RFX3: variants seen among roughly 807,000 people sequenced by gnomAD.
The protein encoded by RFX3 is transcription factor RFX3.
A neutral mutation model predicts 98.6 loss-of-function variants in RFX3; 14 were observed. The ratio of observed to expected loss-of-function variants is 0.14; its 90% CI spans 0.09 to 0.22. The LOEUF is 0.22. Among genes scored for constraint, RFX3 ranks in the 10% least tolerant of loss-of-function variants. RFX3 has a pLI of 1.00. For missense variants in RFX3, 639 were observed against 926.9 expected (o/e 0.69, Z 4.03); for synonymous variants, 383 against 328.4 (o/e 1.17, Z -1.80).
chr9:3,399,091 C>A (rs1419692058), intron 1 of RFX3, among the ~76,000 whole-genome samples: 2 of 151,606 alleles, frequency 1.3e-5, no homozygotes, highest in Non-Finnish European at 2.9e-5. Flanking sequence ...AGAGTGATTA[C>A]AAAATTCTTA....
rs192473071 is a variant in RFX3, at chr9:3,405,938, G to A, written c.-8-10342C>T. Among the ~76,000 whole-genome samples, 6 of 152,144 alleles carry A rather than the reference G, an allele frequency of 3.9e-5. No homozygotes were observed. In the East Asian group the frequency reaches 1.2e-3, roughly 29 times the overall value. On this transcript the variant is annotated intron_variant, in intron 1 of 16. Coordinates refer to ENST00000617270, the MANE Select transcript of RFX3 (RefSeq NM_001282116.2). ...ACTACCCACAGTTCCCCAAACCTGG[G>A]GCATTTGGTTTTTTGTCTTGTTTTG...
At chr9:3,510,134 T>C (rs1212277792) in intron 1 of RFX3, among the ~76,000 whole-genome samples, 2 of 152,018 alleles carry the variant, frequency 1.3e-5, no homozygotes, top group African/African-American at 4.8e-5. Context: ...TCTTTTGGTC[T>C]GCTGTGCAGG....
chr9:3,518,216 C>G (rs1181843726), intron 1 of RFX3, among the ~76,000 whole-genome samples: 5 of 152,154 alleles, frequency 3.3e-5, no homozygotes, highest in Admixed American at 6.5e-5. Context: ...CTACGTAATT[C>G]TCAGAACATA....
chr9:3,403,911 A>G (rs778931934), intron 1 of RFX3, among the ~76,000 whole-genome samples: 5 of 152,146 alleles, frequency 3.3e-5, no homozygotes, highest in Non-Finnish European at 5.9e-5. Context: ...AAAGACTCCA[A>G]TGACAGTGTT....
chr9:3,493,553 A>G (rs1209346426), intron 1 of RFX3, among the ~76,000 whole-genome samples: 4 of 151,472 alleles, frequency 2.6e-5, no homozygotes, highest in Admixed American at 2.0e-4. Flanking sequence ...GCGTGGTGGC[A>G]CGCGCCTGTA....
intron 1 of RFX3, among the ~76,000 whole-genome samples, chr9:3,404,872 A>G (rs1446095841): frequency 6.6e-6 from 1 of 152,166 alleles, no homozygotes; most frequent in Non-Finnish European, 1.5e-5. Flanking sequence ...AAACTTGTTC[A>G]GAAGAGTTAT....
In RFX3 at chr9:3,224,917, C is replaced by G. The variant is rs1817598281; in HGVS notation, c.*125G>C. ...ATACACCCATTCCATTTCACAACTC[C>G]AAAAAGTTAATGTTCAGCACAGATA... is the stretch of plus-strand genomic sequence containing the variant. On this transcript the variant is annotated 3_prime_UTR_variant, in exon 17 of 17. Transcript: ENST00000617270. 1 of 966,894 alleles carries G rather than the reference C, an allele frequency of 1.0e-6. No homozygotes were observed. The highest frequency in any genetic ancestry group is 1.5e-6 in the Non-Finnish European group (1 of 646,096). The allele number at this position is 966,894 out of a possible 1,614,324, so 59.9% of individuals were successfully genotyped here. A position where few individuals can be genotyped will look rare whatever the true frequency, so the allele number is the denominator to read the frequency against.
At chr9:3,383,456 T>C (rs577533070) in intron 2 of RFX3, among the ~76,000 whole-genome samples, 1 of 152,262 alleles carries the variant, frequency 6.6e-6, no homozygotes, top group African/African-American at 2.4e-5. Context: ...ACTTCACAGT[T>C]TATCTTGTTT....
chr9:3,319,853 G>GAAAAAAA (rs199976614), intron 4 of RFX3, among the ~76,000 whole-genome samples: 1 of 121,450 alleles, frequency 8.2e-6, no homozygotes, highest in Non-Finnish European at 1.9e-5. Context: ...GTCAGTGACC[G>GAAAAAAA]AAAAAAAAAA....
chr9:3,505,629 T>C (rs1455320197), intron 1 of RFX3, among the ~76,000 whole-genome samples: 2 of 150,826 alleles, frequency 1.3e-5, no homozygotes, highest in Non-Finnish European at 3.0e-5. Flanking sequence ...ATCAATATTA[T>C]ATTATAAATA....
chr9:3,285,691 AC>A (rs1826500573), intron 7 of RFX3, among the ~76,000 whole-genome samples: 1 of 151,780 alleles, frequency 6.6e-6, no homozygotes, highest in Admixed American at 6.6e-5. Context: ...CATTAAAAAA[AC>A]ACAACAAATT....
chr9:3,228,777 C>T (rs1302568484), intron 16 of RFX3, 70 bp downstream of exon 16: 11 of 1,269,882 alleles, frequency 8.7e-6, no homozygotes, highest in East Asian at 7.3e-5. Context: ...AAACATATAC[C>T]GTATTTTCCT....
chr9:3,249,222 A>G (rs1317590846), intron 14 of RFX3, among the ~76,000 whole-genome samples: 1 of 152,148 alleles, frequency 6.6e-6, no homozygotes, highest in Non-Finnish European at 1.5e-5. Context: ...AAAAGACTGT[A>G]CTTTTGTTTT....
chr9:3,426,683 G>C (rs933303862), intron 1 of RFX3, among the ~76,000 whole-genome samples: 1 of 152,146 alleles, frequency 6.6e-6, no homozygotes, highest in Admixed American at 6.6e-5. Context: ...GCCCATGCGA[G>C]GGATCTAGGT....
intron 1 of RFX3, among the ~76,000 whole-genome samples, chr9:3,467,516 CAAGGA>C (rs1178122924): frequency 1.3e-5 from 2 of 151,756 alleles, no homozygotes; most frequent in Non-Finnish European, 2.9e-5. Flanking sequence ...AATTATTTCT[CAAGGA>C]AAGGTTATAT....
At chr9:3,369,696 C>A (rs1476868975) in intron 2 of RFX3, among the ~76,000 whole-genome samples, 17 of 152,188 alleles carry the variant, frequency 1.1e-4, no homozygotes, top group Non-Finnish European at 1.5e-5. Context: ...TACTTTTACA[C>A]TAGCGAAAGC....
Position 3,222,286 on chromosome 9 carries a change from A to G in RFX3, c.*2756T>C, listed in dbSNP as rs1167475449. On this transcript the variant is annotated 3_prime_UTR_variant, in exon 17 of 17. Coordinates refer to ENST00000617270, the MANE Select transcript of RFX3 (RefSeq NM_001282116.2). ...CACAAAGAATATTCCTAATATTCAT[A>G]AAGGAGATCAGAATATTTTTATTGA... The G allele has an allele frequency of 6.6e-6, 1 of 152,142 alleles. No individual in the cohort carries two copies. The highest frequency in any genetic ancestry group is 1.9e-4 in the East Asian group (1 of 5,194). 9.4% of individuals were successfully genotyped at this position (152,142 alleles called of 1,614,324 possible).
intron 2 of RFX3, among the ~76,000 whole-genome samples, chr9:3,377,687 G>A (rs1018047510): frequency 7.9e-5 from 12 of 152,136 alleles, no homozygotes; most frequent in African/African-American, 2.4e-4. Context: ...AAGCAGACCA[G>A]TATTTTCCTA....
At position 3,223,574 on chromosome 9, in the gene RFX3, T is replaced by C. The variant is rs534298946; in HGVS notation, c.*1468A>G. On this transcript the variant is annotated 3_prime_UTR_variant, in exon 17 of 17. Coordinates refer to ENST00000617270, the MANE Select transcript of RFX3 (RefSeq NM_001282116.2). ...ATTCCACACCCTTAAGCAATCTGAT[T>C]TGTAATCAAGTAATATTCAGCTCTA... 2 of 152,334 alleles carry C rather than the reference T, an allele frequency of 1.3e-5. No homozygotes were observed. The highest frequency in any genetic ancestry group is 1.9e-4 in the East Asian group (1 of 5,184). 9.4% of individuals were successfully genotyped at this position (152,334 alleles called of 1,614,324 possible). A position where few individuals can be genotyped will look rare whatever the true frequency, so the allele number is the denominator to read the frequency against.
Sources: gnomAD v4.1 joint callset for allele counts (sites outside exome capture counted in the v4.1 genomes callset) on GRCh38, gnomAD v4.1.1 for gene constraint, MANE v1.5 for transcripts, NCBI Gene and HGNC (gene_info 2026-07-23, HGNC 2026-07-21) for gene names.